OPCML: variants seen among roughly 807,000 people sequenced by gnomAD.
OPCML encodes opioid-binding protein/cell adhesion molecule.
A neutral mutation model predicts 37.8 loss-of-function variants in OPCML; 13 were observed. That is an observed-to-expected ratio of 0.34 (90% confidence interval 0.22 to 0.55). The LOEUF (loss-of-function observed/expected upper bound fraction) is 0.55. Ranked by LOEUF, OPCML falls within the 20% of genes least tolerant of loss-of-function variation. The pLI is 0.91. For missense variants in OPCML, 341 were observed against 435.6 expected, an observed-to-expected ratio of 0.78 and a Z score of 1.93; for synonymous variants, 176 against 168.8, an observed-to-expected ratio of 1.04 and a Z score of -0.33.
At chr11:132,558,367 TCC>T (rs2096402021) in intron 3 of OPCML, among the ~76,000 whole-genome samples, 1 of 16,956 alleles carries the variant, frequency 5.9e-5, no homozygotes, top group Non-Finnish European at 9.6e-5. Flanking sequence ...CTCCCCCTCC[TCC>T]TCCTCTTCCC....
intron 4 of OPCML, among the ~76,000 whole-genome samples, chr11:132,501,386 G>T (rs1175024779): frequency 6.6e-6 from 1 of 152,158 alleles, no homozygotes; most frequent in East Asian, 1.9e-4. Flanking sequence ...CAAATGGGAT[G>T]GTTCCCTTTA....
chr11:133,311,635 C>A (rs982675344), intron 1 of OPCML, among the ~76,000 whole-genome samples: 1 of 152,074 alleles, frequency 6.6e-6, no homozygotes, highest in Non-Finnish European at 1.5e-5. Context: ...AAATTTCAAG[C>A]AATTTGGGAA....
chr11:132,476,083 A>G (rs573413921), intron 4 of OPCML, among the ~76,000 whole-genome samples: 1 of 152,350 alleles, frequency 6.6e-6, no homozygotes, highest in African/African-American at 2.4e-5. Context: ...AGATACATAT[A>G]CACACTCTCA....
intron 2 of OPCML, among the ~76,000 whole-genome samples, chr11:132,736,171 G>A (rs1313314541): frequency 6.6e-6 from 1 of 152,136 alleles, no homozygotes; most frequent in Non-Finnish European, 1.5e-5. Flanking sequence ...CATGTTGAAT[G>A]TGTGTGAGAG....
At chr11:133,140,136 G>A (rs1277794386) in intron 1 of OPCML, among the ~76,000 whole-genome samples, 3 of 150,448 alleles carry the variant, frequency 2.0e-5, no homozygotes, top group African/African-American at 4.9e-5. Context: ...GCAGTGAGCC[G>A]AGATCGCACC....
chr11:132,894,418 C>T (rs1249459200), intron 2 of OPCML, among the ~76,000 whole-genome samples: 2 of 152,192 alleles, frequency 1.3e-5, no homozygotes, highest in African/African-American at 4.8e-5. Flanking sequence ...TTCTTAATTT[C>T]TTCTTTATCC....
chr11:132,634,797 A>C (rs1197105517), intron 3 of OPCML, among the ~76,000 whole-genome samples: 1 of 152,138 alleles, frequency 6.6e-6, no homozygotes, highest in South Asian at 2.1e-4. Flanking sequence ...AGTGGCAGGA[A>C]ATTGAACTTC....
chr11:133,351,426 A>G (rs141484360), intron 1 of OPCML, among the ~76,000 whole-genome samples: 21 of 152,290 alleles, frequency 1.4e-4, no homozygotes, highest in African/African-American at 4.6e-4. Flanking sequence ...AGTAACAACA[A>G]CAAGAAATAA....
In OPCML at chr11:133,521,116, A is replaced by C. The variant is rs563518625; in HGVS notation, c.61+11148T>G. Among the ~76,000 whole-genome samples the C allele has an allele frequency of 7.2e-5, 11 of 152,340 alleles. No homozygotes were observed. In the East Asian group the frequency reaches 1.9e-3, roughly 27 times the overall value. ...TCGCCTTCCGAAGCAAGGCAAGGAG[A>C]CCTGGCAACCTGGAACTGCACAGCA... On this transcript the variant is annotated intron_variant, in intron 1 of 7. Transcript: ENST00000524381.
At position 133,121,164 on chromosome 11, in the gene OPCML, C is replaced by A. The variant is rs192631549; in HGVS notation, c.62-178154G>T. On this transcript the variant is annotated intron_variant, in intron 1 of 7. Transcript: ENST00000524381. Reference sequence around the variant, plus strand: ...AAACTCCTGACCTGAACTGATCAGCCCACCTTGGGCGCCCAAAGTGCTGAG... The same window carrying A: ...AAACTCCTGACCTGAACTGATCAGCACACCTTGGGCGCCCAAAGTGCTGAG... 6.6e-5 allele frequency among the ~76,000 whole-genome samples: 10 copies of A among 152,184 alleles called. No homozygotes were observed. The East Asian group carries it at 1.9e-3, about 29-fold the overall frequency.
chr11:132,932,693 A>T (rs748506991), intron 2 of OPCML, among the ~76,000 whole-genome samples: 118 of 63,610 alleles, frequency 1.9e-3, no homozygotes, highest in Non-Finnish European at 2.5e-3. Context: ...TATATATATT[A>T]TATATATATA....
chr11:133,358,692 G>A (rs1330434648), intron 1 of OPCML, among the ~76,000 whole-genome samples: 1 of 152,182 alleles, frequency 6.6e-6, no homozygotes, highest in Non-Finnish European at 1.5e-5. Context: ...AGGGCTCTGA[G>A]GATGAGACAG....
At chr11:132,721,898 A>G (rs1397053500) in intron 2 of OPCML, among the ~76,000 whole-genome samples, 2 of 150,166 alleles carry the variant, frequency 1.3e-5, no homozygotes, top group East Asian at 4.0e-4. Context: ...TCCTTTTAAG[A>G]GGGAGCTGTT....
At chr11:132,798,042 G>A (rs575300667) in intron 2 of OPCML, among the ~76,000 whole-genome samples, 1 of 152,144 alleles carries the variant, frequency 6.6e-6, no homozygotes, top group East Asian at 1.9e-4. Flanking sequence ...CTCAAACCCT[G>A]CTGCTGATTT....
chr11:132,521,957 C>T (rs1484229586), intron 4 of OPCML, among the ~76,000 whole-genome samples: 1 of 152,140 alleles, frequency 6.6e-6, no homozygotes, highest in Non-Finnish European at 1.5e-5. Context: ...GCTCCATCAA[C>T]CCAAGGCAAC....
intron 4 of OPCML, among the ~76,000 whole-genome samples, chr11:132,506,424 A>C (rs2096256898): frequency 6.6e-6 from 1 of 152,232 alleles, no homozygotes; most frequent in Non-Finnish European, 1.5e-5. Context: ...GGAAAAGCTA[A>C]CTAGTGTCAC....
At chr11:133,437,105 TACG>T (rs1946250354) in intron 1 of OPCML, among the ~76,000 whole-genome samples, 1 of 152,218 alleles carries the variant, frequency 6.6e-6, no homozygotes, top group Admixed American at 6.5e-5. Context: ...ATCTAATTTA[TACG>T]ACATCTTATT....
chr11:133,450,411 A>T (rs1946558350), intron 1 of OPCML, among the ~76,000 whole-genome samples: 1 of 150,762 alleles, frequency 6.6e-6, no homozygotes, highest in African/African-American at 2.5e-5. Flanking sequence ...TTTTTTTAAG[A>T]TTTCTCACTT....
intron 2 of OPCML, among the ~76,000 whole-genome samples, chr11:132,768,528 T>C (rs1340508073): frequency 2.0e-5 from 3 of 152,200 alleles, no homozygotes; most frequent in Non-Finnish European, 4.4e-5. Context: ...CTACACTGAG[T>C]GCTCTCATTA....
Sources: gnomAD v4.1 joint callset for allele counts (sites outside exome capture counted in the v4.1 genomes callset) on GRCh38, gnomAD v4.1.1 for gene constraint, MANE v1.5 for transcripts, NCBI Gene and HGNC (gene_info 2026-07-23, HGNC 2026-07-21) for gene names.